The following CPSF2 variants were observed in gnomAD, a reference collection of about 807,000 sequenced individuals.
The protein encoded by CPSF2 is cleavage and polyadenylation specificity factor subunit 2.
Under a neutral mutation model 84.2 loss-of-function variants are expected in CPSF2, and 51 were observed. That is an observed-to-expected ratio of 0.61 (90% CI 0.48 to 0.77). CPSF2 has a LOEUF of 0.77. Ranked by LOEUF, CPSF2 falls within the 30% of genes least tolerant of loss-of-function variation. The probability of loss-of-function intolerance (pLI) is 0.00; values close to 1 mark genes in which losing one functional copy is unlikely to be tolerated. For synonymous variants in CPSF2, 286 were observed against 311.9 expected (o/e 0.92, Z 0.87); for missense variants, 641 against 929.4 (o/e 0.69, Z 4.03).
At chr14:92,140,865 GA>G (rs1281516785) in intron 7 of CPSF2, among the ~76,000 whole-genome samples, 2 of 151,770 alleles carry the variant, frequency 1.3e-5, no homozygotes, top group Admixed American at 1.3e-4. Context: ...AGTGAGCTAT[GA>G]TCACACCACT....
At position 92,131,113 on chromosome 14, in the gene CPSF2, T is replaced by C; in HGVS notation, c.129T>C (p.Asp43=). The change falls in exon 3 of 16, where the codon GAT becomes GAC. Residue 43 remains aspartate (D), a synonymous_variant. Coordinates refer to ENST00000298875, the MANE Select transcript of CPSF2 (RefSeq NM_017437.3). ...DCGWDEHFSM[D]IIDSLRKHVH... ...GCTGGGATGAGCACTTTTCTATGGA[T>C]ATTATTGATTCCCTGAGGAAGTAAG... 1 of 1,603,860 alleles carries C rather than the reference T, an allele frequency of 6.2e-7. No homozygotes were observed. Among genetic ancestry groups the C allele is most frequent in the Non-Finnish European group, 8.5e-7 (1 of 1,177,018 alleles).
chr14:92,167,942 T>C lies in CPSF2; in HGVS notation c.*6198T>C, dbSNP rs2069471567. The C allele has an allele frequency of 6.7e-6, 1 of 150,006 alleles. No individual in the cohort carries two copies. The highest frequency in any genetic ancestry group is 6.7e-5 in the Admixed American group (1 of 15,004). The allele number at this position is 150,006 out of a possible 1,614,324, so 9.3% of individuals were successfully genotyped here. ...ACCATAGAATGAATGTAGAATGAAT[T>C]TGGATTCAATAATGGGAACTAAGGT... On this transcript the variant is annotated 3_prime_UTR_variant, in exon 16 of 16. Transcript: ENST00000298875.
In CPSF2 at chr14:92,156,616, A is replaced by G; in HGVS notation, c.1580A>G (p.Glu527Gly). Reference sequence around the variant, plus strand: ...CCTACTAAATGTATTTCTACAACAGAGTCTATTGAAATAAAGTAAGTGCTT... The same window carrying G: ...CCTACTAAATGTATTTCTACAACAGGGTCTATTGAAATAAAGTAAGTGCTT... ...DVPTKCISTT[E>G]SIEIKARVTY... The change falls in exon 12 of 16, where the codon GAG (glutamate) becomes GGG (glycine). Residue 527 changes from glutamate (E) to glycine (G), a missense_variant. This residue lies in a region of CPSF2 where 430 missense variants were observed against 553.6 expected (regional missense o/e 0.78). Transcript: ENST00000298875. 1 of 1,577,814 alleles carries G rather than the reference A, an allele frequency of 6.3e-7. No individual in the cohort carries two copies. The highest frequency in any genetic ancestry group is 8.6e-7 in the Non-Finnish European group (1 of 1,160,162).
intron 9 of CPSF2, among the ~76,000 whole-genome samples, chr14:92,144,394 G>A (rs901660954): frequency 6.6e-6 from 1 of 152,174 alleles, no homozygotes; most frequent in South Asian, 2.1e-4. Context: ...ATGGCTGAAC[G>A]GTCTCCAGTT....
At position 92,143,059 on chromosome 14, in the gene CPSF2, C is replaced by T; in HGVS notation, c.905C>T (p.Pro302Leu). Reference sequence around the variant, plus strand: ...TGTTTTGAAGACAAAAGAAATAATCCGTTTCAGTTTCGCCATCTCTCTTTA... The same window carrying T: ...TGTTTTGAAGACAAAAGAAATAATCTGTTTCAGTTTCGCCATCTCTCTTTA... ...MRCFEDKRNNPFQFRHLSLCH... is the reference protein window; with the variant it reads ...MRCFEDKRNNLFQFRHLSLCH... The change falls in exon 9 of 16, where the codon CCG becomes CTG. Residue 302 changes from proline (P) to leucine (L), a missense_variant. Transcript: ENST00000298875. 1.2e-6 allele frequency: 2 copies of T among 1,613,618 alleles called. No individual in the cohort carries two copies. The highest frequency in any genetic ancestry group is 8.5e-7 in the Non-Finnish European group (1 of 1,179,714).
chr14:92,158,047 A>G (rs2069314507), intron 13 of CPSF2, among the ~76,000 whole-genome samples, 163 bp downstream of exon 13: 1 of 152,224 alleles, frequency 6.6e-6, no homozygotes, highest in Admixed American at 6.5e-5. Context: ...AATACCATTT[A>G]TCATGTTGTT....
At chr14:92,129,266 G>A (rs925264135) in intron 2 of CPSF2, among the ~76,000 whole-genome samples, 2 of 152,230 alleles carry the variant, frequency 1.3e-5, no homozygotes, top group African/African-American at 4.8e-5. Flanking sequence ...CAGAGAAGCA[G>A]TTGCAGTTAC....
chr14:92,132,047 T>C (rs2068938820), intron 3 of CPSF2, among the ~76,000 whole-genome samples: 1 of 152,178 alleles, frequency 6.6e-6, no homozygotes, highest in South Asian at 2.1e-4. Flanking sequence ...CTGTGGTTAC[T>C]ATGCGAAAAA....
At chr14:92,153,687 A>G (rs2069250048) in intron 9 of CPSF2, among the ~76,000 whole-genome samples, 1 of 147,132 alleles carries the variant, frequency 6.8e-6, no homozygotes, top group Admixed American at 6.8e-5. Context: ...CTACAGGTGC[A>G]TGCTACCACT....
chr14:92,158,016 G>A (rs2069313849), intron 13 of CPSF2, 132 bp downstream of exon 13: 2 of 647,308 alleles, frequency 3.1e-6, no homozygotes, highest in Non-Finnish European at 2.8e-6. Context: ...ACCTCATAGG[G>A]TATGGGGCTT....
intron 1 of CPSF2, among the ~76,000 whole-genome samples, chr14:92,125,543 A>G (rs1567014759): frequency 1.3e-5 from 2 of 152,090 alleles, no homozygotes; most frequent in South Asian, 2.1e-4. Context: ...CCCAAAATAC[A>G]GAATTACCTG....
At chr14:92,129,078 A>G (rs536725674) in intron 2 of CPSF2, among the ~76,000 whole-genome samples, 4 of 152,188 alleles carry the variant, frequency 2.6e-5, no homozygotes, top group Non-Finnish European at 5.9e-5. Flanking sequence ...AGGAAAGAGA[A>G]GACATGGTTT....
intron 13 of CPSF2, 123 bp from the exon 14 acceptor site, chr14:92,158,860 A>G (rs2069327747): frequency 2.4e-6 from 2 of 842,836 alleles, no homozygotes; most frequent in Non-Finnish European, 3.6e-6. Context: ...TGGGACTCAG[A>G]TGAGTGAAAG....
intron 9 of CPSF2, among the ~76,000 whole-genome samples, chr14:92,153,277 T>C (rs1343630008): frequency 6.6e-6 from 1 of 152,128 alleles, no homozygotes; most frequent in East Asian, 1.9e-4. Context: ...ATTTTGTAAA[T>C]TGCCTTTTTA....
intron 14 of CPSF2, 26 bp downstream of exon 14, chr14:92,159,308 T>A: frequency 2.6e-6 from 4 of 1,537,370 alleles, no homozygotes. Flanking sequence ...GCTTTTTTGA[T>A]TTCTTCCTGA....
Position 92,131,038 on chromosome 14 carries a change from C to G in CPSF2, c.54C>G (p.Ala18=), listed in dbSNP as rs2068919198. 6.2e-7 allele frequency: 1 copy of G among 1,612,664 alleles called. No individual in the cohort carries two copies. Among genetic ancestry groups the G allele is most frequent in the Non-Finnish European group, 8.5e-7 (1 of 1,179,330 alleles). ...TTTCTGGGGTCCAAGAAGAATCTGC[C>G]CTTTGCTATCTTCTCCAAGTTGATG... is the stretch of plus-strand genomic sequence containing the variant. ...TTLSGVQEES[A]LCYLLQVDEF... is the part of the protein sequence containing the mutation. The change falls in exon 3 of 16, where the codon GCC becomes GCG. Residue 18 remains alanine (A), a synonymous_variant. Transcript: ENST00000298875.
chr14:92,143,511 T>C (rs2069106319), intron 9 of CPSF2, among the ~76,000 whole-genome samples: 1 of 151,988 alleles, frequency 6.6e-6, no homozygotes, highest in African/African-American at 2.4e-5. Flanking sequence ...GAGGTCAGCC[T>C]GGGCAACATG....
chr14:92,131,126 C>G lies in CPSF2; in HGVS notation c.142C>G (p.Leu48Val), dbSNP rs147996566. 1 of 1,600,404 alleles carries G rather than the reference C, an allele frequency of 6.2e-7. No homozygotes were observed. The highest frequency in any genetic ancestry group is 8.5e-7 in the Non-Finnish European group (1 of 1,175,226). The change falls in exon 3 of 16, where the codon CTG becomes GTG. Residue 48 changes from leucine to valine, a missense_variant. By Grantham distance (32) the Leu-to-Val change is conservative. Transcript: ENST00000298875. The part of the protein sequence containing the change: ...EHFSMDIIDS[L>V]RKHVHQIDAV... ...CTTTTCTATGGATATTATTGATTCCCTGAGGAAGTAAGTTACATTTCATAA... is the reference window on the plus strand; with the variant it reads ...CTTTTCTATGGATATTATTGATTCCGTGAGGAAGTAAGTTACATTTCATAA...
intron 7 of CPSF2, among the ~76,000 whole-genome samples, chr14:92,139,928 C>T (rs2069052775): frequency 6.9e-6 from 1 of 145,912 alleles, no homozygotes; most frequent in Non-Finnish European, 1.5e-5. Flanking sequence ...GTTTTTAGTT[C>T]ATCTACTTTA....
Sources: gnomAD v4.1 joint callset for allele counts (sites outside exome capture counted in the v4.1 genomes callset) on GRCh38, gnomAD v4.1.1 for gene constraint, gnomAD v4.1.1 regional missense constraint, MANE v1.5 for transcripts, NCBI Gene and HGNC (gene_info 2026-07-23, HGNC 2026-07-21) for gene names.